YIPF3: variants seen among roughly 807,000 people sequenced by gnomAD.
YIPF3 encodes protein YIPF3.
A neutral mutation model predicts 40.3 loss-of-function variants in YIPF3; 18 were observed. The ratio of observed to expected loss-of-function variants is 0.45; its 90% CI spans 0.31 to 0.66. YIPF3 has a LOEUF of 0.66. Among genes scored for constraint, YIPF3 ranks in the 30% least tolerant of loss-of-function variants. The pLI is 0.07. For missense variants in YIPF3, 406 were observed against 452.2 expected (o/e 0.90, Z 0.93); for synonymous variants, 190 against 179.6 (o/e 1.06, Z -0.46).
intron 3 of YIPF3, among the ~76,000 whole-genome samples, chr6:43,514,397 C>T (rs889397010): frequency 9.2e-5 from 14 of 152,230 alleles, no homozygotes; most frequent in African/African-American, 3.4e-4. Flanking sequence ...AAAAACGCCT[C>T]CTCTTCCTGC....
intron 3 of YIPF3, 43 bp from the exon 4 acceptor site, chr6:43,513,676 C>T (rs1792716547): frequency 6.6e-7 from 1 of 1,516,580 alleles, no homozygotes; most frequent in Non-Finnish European, 8.8e-7. Context: ...CAGCACAAGG[C>T]CATGAGGTTC....
chr6:43,515,762 AT>A, intron 2 of YIPF3, 61 bp from the exon 3 acceptor site: 1 of 1,606,970 alleles, frequency 6.2e-7, no homozygotes, highest in Non-Finnish European at 8.5e-7. Context: ...CCTGTTGCCT[AT>A]TTTCCGTTTG....
chr6:43,515,368 G>T, intron 3 of YIPF3: 1 of 633,766 alleles, frequency 1.6e-6, no homozygotes, highest in Non-Finnish European at 2.9e-6. Flanking sequence ...AACAGAGGAA[G>T]TGACATCTGA....
rs1045519845 is a variant in YIPF3 at position 43,515,680 on chromosome 6, G to T, written c.310C>A (p.Gln104Lys). ...ADQMWQAGKR[Q>K]ASRAFSLYAN... ...TACAAGCTGAAGGCCCTGGAGGCTT[G>T]TCTTTTCCCAGCCTGCCACATCTGA... Residue 104 changes from glutamine (Q) to lysine (K), a missense_variant, in exon 3 of 9, where the codon CAA (glutamine) becomes AAA (lysine). Gln to Lys is a moderately conservative substitution (Grantham distance 53). Coordinates refer to ENST00000372422, the MANE Select transcript of YIPF3 (RefSeq NM_015388.4). The T allele has an allele frequency of 1.2e-6, 2 of 1,614,022 alleles. No individual in the cohort carries two copies. Among genetic ancestry groups the T allele is most frequent in the Admixed American group, 1.7e-5 (1 of 60,002 alleles).
intron 6 of YIPF3, 25 bp downstream of exon 6, chr6:43,513,028 CTTTTTAACATCACTCT>C: frequency 6.2e-7 from 1 of 1,611,786 alleles, no homozygotes; most frequent in Non-Finnish European, 8.5e-7. Context: ...CCTGGCTACT[CTTTTTAACATCACTCT>C]TGCCCACCAC....
chr6:43,512,011 A>T lies in YIPF3; in HGVS notation c.*156T>A. ...GAGTTCTTGGCCTTGTGCCTTTCAG[A>T]AGTGCCGACAGGCATCAAGGAGGTA... On this transcript the variant is annotated 3_prime_UTR_variant, in exon 9 of 9. Transcript: ENST00000372422. The T allele has an allele frequency of 8.2e-7, 1 of 1,216,140 alleles. No homozygotes were observed. Among genetic ancestry groups the T allele is most frequent in the Non-Finnish European group, 1.1e-6 (1 of 874,818 alleles). 75.3% of individuals were successfully genotyped at this position (1,216,140 alleles called of 1,614,324 possible).
chr6:43,516,905 G>A lies in YIPF3; in HGVS notation c.-98C>T, dbSNP rs2231759. 0.038 allele frequency: 53,019 copies of A among 1,383,732 alleles called. 1,456 individuals carry two copies. The highest frequency in any genetic ancestry group is 0.11 in the African/African-American group (7,665 of 69,370). 85.7% of individuals were successfully genotyped at this position (1,383,732 alleles called of 1,614,324 possible). A position where few individuals can be genotyped will look rare whatever the true frequency, so the allele number is the denominator to read the frequency against. ...GAAGGTAGACGTCCAGGGTCGAGGA[G>A]AGGTGGGATCGGCCGGAACACAAAA... is the stretch of plus-strand genomic sequence containing the variant. On this transcript the variant is annotated 5_prime_UTR_variant, in exon 1 of 9. Transcript: ENST00000372422.
In YIPF3 at chr6:43,512,184, T is replaced by A; in HGVS notation, c.1036A>T (p.Thr346Ser). The A allele has an allele frequency of 6.2e-7, 1 of 1,613,958 alleles. No homozygotes were observed. The highest frequency in any genetic ancestry group is 8.5e-7 in the Non-Finnish European group (1 of 1,179,988). Residue 346 changes from threonine to serine, a missense_variant, in exon 9 of 9, where the codon ACC (threonine) becomes TCC (serine). By Grantham distance (58) the Thr-to-Ser change is moderately conservative (BLOSUM62 1). Coordinates refer to ENST00000372422, the MANE Select transcript of YIPF3 (RefSeq NM_015388.4). Reference protein sequence around the residue: ...LNATAKAVAVTLQSH With the variant: ...LNATAKAVAVSLQSH ...AGGTGGGGTCAGTGTGACTGCAGGG[T>A]CACCGCAACAGCTTTGGCTGTGGCG...
intron 3 of YIPF3, 195 bp from the exon 4 acceptor site, chr6:43,513,828 C>T: frequency 2.0e-6 from 1 of 508,448 alleles, no homozygotes; most frequent in Non-Finnish European, 3.3e-6. Flanking sequence ...CCTAAAGTTA[C>T]TTCCAGGAAG....
intron 3 of YIPF3, chr6:43,513,850 G>T (rs531380151): frequency 2.0e-4 from 93 of 473,466 alleles, no homozygotes; most frequent in African/African-American, 1.7e-3. Context: ...ACAACCCTCT[G>T]AAACTTAGCT....
intron 7 of YIPF3, 37 bp from the exon 8 acceptor site, chr6:43,512,600 C>T (rs771824638): frequency 1.3e-6 from 2 of 1,586,890 alleles, no homozygotes; most frequent in East Asian, 2.3e-5. Flanking sequence ...GGGCCTGGCT[C>T]CAAAGTGAGG....
At chr6:43,515,438 G>T in intron 3 of YIPF3, 157 bp downstream of exon 3, 1 of 731,564 alleles carries the variant, frequency 1.4e-6, no homozygotes. Context: ...AAGATGGTGT[G>T]CTATTATTAC....
Position 43,516,047 on chromosome 6 carries a change from C to A in YIPF3, c.130G>T (p.Gly44Cys), listed in dbSNP as rs1197939339. The A allele has an allele frequency of 6.2e-7, 1 of 1,614,148 alleles. No homozygotes were observed. Among genetic ancestry groups the A allele is most frequent in the Admixed American group, 1.7e-5 (1 of 60,018 alleles). Residue 44 changes from glycine to cysteine, a missense_variant, in exon 2 of 9, where the codon GGC (glycine) becomes TGC (cysteine). Physicochemically the swap from Gly to Cys is radical, Grantham distance 159. Transcript: ENST00000372422. ...TCACCCATATCCTCGAAGCTAGAGCCTGAGGTATCATCCATGTTCTCCATG... is the reference window on the plus strand; with the variant it reads ...TCACCCATATCCTCGAAGCTAGAGCATGAGGTATCATCCATGTTCTCCATG... ...IDMENMDDTS[G>C]SSFEDMGELH...
chr6:43,515,871 G>T lies in YIPF3; in HGVS notation c.288+18C>A. 6.3e-7 allele frequency: 1 copy of T among 1,587,180 alleles called. No individual in the cohort carries two copies. ...CTAGGTCTACTTTTCTACCTGCAGA[G>T]GATTCAATCTTGCTTACCTGATCTG... On this transcript the variant is annotated intron_variant, in intron 2 of 8. Coordinates refer to ENST00000372422, the MANE Select transcript of YIPF3 (RefSeq NM_015388.4).
Position 43,512,508 on chromosome 6 carries a change from C to T in YIPF3, c.836G>A (p.Gly279Asp). The T allele has an allele frequency of 1.9e-6, 3 of 1,613,370 alleles. No homozygotes were observed. Among genetic ancestry groups the T allele is most frequent in the Non-Finnish European group, 2.5e-6 (3 of 1,179,986 alleles). Residue 279 changes from glycine (G) to aspartate (D), a missense_variant, in exon 8 of 9, where the codon GGC (glycine) becomes GAC (aspartate). Physicochemically the swap from Gly to Asp is moderately conservative, Grantham distance 94. Coordinates refer to ENST00000372422, the MANE Select transcript of YIPF3 (RefSeq NM_015388.4). Reference protein sequence around the residue: ...VGPTQRLLLCGTLAALHMLFL... With the variant: ...VGPTQRLLLCDTLAALHMLFL... ...GAGCATGTGTAGGGCAGCCAGGGTGCCACAGAGGAGCAGCCGCTGTGTGGG... is the reference window on the plus strand; with the variant it reads ...GAGCATGTGTAGGGCAGCCAGGGTGTCACAGAGGAGCAGCCGCTGTGTGGG...
At position 43,512,835 on chromosome 6, in the gene YIPF3, TG is replaced by T. The variant is rs1324642187; in HGVS notation, c.705del (p.Thr236ProfsTer26). The T allele has an allele frequency of 1.9e-6, 3 of 1,613,784 alleles. No homozygotes were observed. On this transcript the variant is annotated frameshift_variant, in exon 7 of 9. Transcript: ENST00000372422. LOFTEE classifies it high-confidence loss of function. ...AGGGCGTGGAGGTGGATATTATAGG[TG>T]ATGAACAGGACAATGCAATGCCCAA... ...GLFGHCIVLFITYNIHLHALF... is the reference protein window; with the variant it reads ...GLFGHCIVLFXTYNIHLHALF...
rs151290727 is a variant in YIPF3, at chr6:43,513,413, G to A, written c.480C>T (p.Val160=). Residue 160 remains valine, a synonymous_variant, in exon 5 of 9, where the codon GTC becomes GTT. Coordinates refer to ENST00000372422, the MANE Select transcript of YIPF3 (RefSeq NM_015388.4). ...GGAGTAGGATAGCAACCAGAGTGAAGACCAGCATGAGAGGTCCATAGAGTT... is the reference window on the plus strand; with the variant it reads ...GGAGTAGGATAGCAACCAGAGTGAAAACCAGCATGAGAGGTCCATAGAGTT... ...AGELYGPLML[V]FTLVAILLHG... The A allele has an allele frequency of 6.2e-7, 1 of 1,614,210 alleles. No individual in the cohort carries two copies. Among genetic ancestry groups the A allele is most frequent in the South Asian group, 1.1e-5 (1 of 91,082 alleles).
rs1792707382 is a variant in YIPF3, at chr6:43,513,173, T to C, written c.562A>G (p.Ile188Val). The change falls in exon 6 of 9, where the codon ATT (isoleucine) becomes GTT (valine). Residue 188 changes from isoleucine (I) to valine (V), a missense_variant. Physicochemically the swap from Ile to Val is conservative, Grantham distance 29 (BLOSUM62 3). Transcript: ENST00000372422. ...IREGTLMGTAIGTCFGYWLGV... is the reference protein window; with the variant it reads ...IREGTLMGTAVGTCFGYWLGV... ...AGCCAGTAGCCGAAGCAGGTGCCAA[T>C]GGCTGTGCCCATCAGGGTGCCCTCC... 6.2e-7 allele frequency: 1 copy of C among 1,614,064 alleles called. No individual in the cohort carries two copies. The highest frequency in any genetic ancestry group is 1.3e-5 in the African/African-American group (1 of 74,924).
At position 43,515,949 on chromosome 6, in the gene YIPF3, A is replaced by C. The variant is rs1193532424; in HGVS notation, c.228T>G (p.Asp76Glu). 5.0e-6 allele frequency: 8 copies of C among 1,613,630 alleles called. No homozygotes were observed. The highest frequency in any genetic ancestry group is 6.8e-6 in the Non-Finnish European group (8 of 1,179,858). Reference protein sequence around the residue: ...AADAAAAEEEDGEFLGMKGFK... With the variant: ...AADAAAAEEEEGEFLGMKGFK... ...AGCCCTTCATGCCCAGGAACTCTCC[A>C]TCCTCCTCTTCAGCAGCAGCTGCAT... The change falls in exon 2 of 9, where the codon GAT becomes GAG. Residue 76 changes from aspartate to glutamate, a missense_variant. Physicochemically the swap from Asp to Glu is conservative, Grantham distance 45. Coordinates refer to ENST00000372422, the MANE Select transcript of YIPF3 (RefSeq NM_015388.4).
Sources: gnomAD v4.1 joint callset for allele counts (sites outside exome capture counted in the v4.1 genomes callset) on GRCh38, gnomAD v4.1.1 for gene constraint, MANE v1.5 for transcripts, NCBI Gene and HGNC (gene_info 2026-07-23, HGNC 2026-07-21) for gene names.